The following LRFN1 variants were observed in gnomAD, a reference collection of about 807,000 sequenced individuals.
The protein encoded by LRFN1 is leucine rich repeat and fibronectin type III domain containing 1.
Under a neutral mutation model 31.8 loss-of-function variants are expected in LRFN1, and 20 were observed. The ratio of observed to expected loss-of-function variants is 0.63; its 90% confidence interval spans 0.44 to 0.91. LRFN1 has a LOEUF of 0.91. Among genes scored for constraint, LRFN1 ranks in the 40% least tolerant of loss-of-function variants. The pLI is 0.00. For synonymous variants in LRFN1, 514 were observed against 541.3 expected (o/e 0.95, Z 0.70); for missense variants, 912 against 1,129.8 (o/e 0.81, Z 2.76).
Position 39,307,590 on chromosome 19 carries a change from G to T in LRFN1, c.*43C>A. 7.3e-7 allele frequency: 1 copy of T among 1,368,438 alleles called. No individual in the cohort carries two copies. The highest frequency in any genetic ancestry group is 9.4e-7 in the Non-Finnish European group (1 of 1,067,488). 84.8% of individuals were successfully genotyped at this position (1,368,438 alleles called of 1,614,324 possible). A position where few individuals can be genotyped will look rare whatever the true frequency, so the allele number is the denominator to read the frequency against. On this transcript the variant is annotated 3_prime_UTR_variant, in exon 5 of 5. Coordinates refer to ENST00000248668, the MANE Select transcript of LRFN1 (RefSeq NM_020862.2). The surrounding 1 kb of genome is among the most constrained non-coding windows in gnomAD (Gnocchi z 6.7). The stretch of plus-strand genomic sequence containing the variant: ...CGCCCCAGCGTCCGTGCGGCTGGGC[G>T]TTTGGTCTGCGGCACCCAGGCGTCC...
At position 39,306,854 on chromosome 19, in the gene LRFN1, AGG is replaced by A. The variant is rs2075130343; in HGVS notation, c.*777_*778del. Reference sequence around the variant, plus strand: ...AAAAAGTTTAATTCTGCTGCGGCGGAGGGTCCCGGCTCCGGTAGGGAGGGGGA... The same window carrying A: ...AAAAAGTTTAATTCTGCTGCGGCGGAGTCCCGGCTCCGGTAGGGAGGGGGA... On this transcript the variant is annotated 3_prime_UTR_variant, in exon 5 of 5. Transcript: ENST00000248668. The A allele has an allele frequency of 1.3e-5, 2 of 155,782 alleles. No homozygotes were observed. The highest frequency in any genetic ancestry group is 4.8e-5 in the African/African-American group (2 of 41,494). The allele number at this position is 155,782 out of a possible 1,614,324, so 9.6% of individuals were successfully genotyped here.
At chr19:39,310,254 G>A (rs566336499) in intron 4 of LRFN1, among the ~76,000 whole-genome samples, 4 of 152,304 alleles carry the variant, frequency 2.6e-5, no homozygotes, top group South Asian at 2.1e-4. Flanking sequence ...CACCACGCCC[G>A]GCGAACTTCG....
At position 39,314,997 on chromosome 19, in the gene LRFN1, C is replaced by T; in HGVS notation, c.340G>A (p.Ala114Thr). The change falls in exon 4 of 5, where the codon GCC (alanine) becomes ACC (threonine). Residue 114 changes from alanine to threonine, a missense_variant. Ala to Thr is a moderately conservative substitution (Grantham distance 58, BLOSUM62 0). This residue lies in a region of LRFN1 where 401 missense variants were observed against 572.7 expected (regional missense o/e 0.70). Coordinates refer to ENST00000248668, the MANE Select transcript of LRFN1 (RefSeq NM_020862.2). ...VAAGAFADLR[A>T]LRALHLDSNR... ...CTGTCCAGGTGCAGGGCCCGGAGGGCACGCAGGTCGGCGAAGGCGCCAGCT... is the reference window on the plus strand; with the variant it reads ...CTGTCCAGGTGCAGGGCCCGGAGGGTACGCAGGTCGGCGAAGGCGCCAGCT... The T allele has an allele frequency of 6.3e-7, 1 of 1,592,254 alleles. No homozygotes were observed. The highest frequency in any genetic ancestry group is 8.5e-7 in the Non-Finnish European group (1 of 1,175,780).
chr19:39,307,612 G>T lies in LRFN1; in HGVS notation c.*21C>A. ...GGCGTTTGGTCTGCGGCACCCAGGCGTCCCGGCGCCCGCCCGCCGCTCACA... is the reference window on the plus strand; with the variant it reads ...GGCGTTTGGTCTGCGGCACCCAGGCTTCCCGGCGCCCGCCCGCCGCTCACA... On this transcript the variant is annotated 3_prime_UTR_variant, in exon 5 of 5. Transcript: ENST00000248668. This position sits in a 1 kb window ranked among gnomAD's most constrained non-coding sequence, Gnocchi z 6.7. The T allele has an allele frequency of 1.4e-6, 2 of 1,381,074 alleles. No homozygotes were observed. Among genetic ancestry groups the T allele is most frequent in the South Asian group, 3.3e-5 (2 of 60,748 alleles). The allele number at this position is 1,381,074 out of a possible 1,614,324, so 85.6% of individuals were successfully genotyped here.
intron 2 of LRFN1, among the ~76,000 whole-genome samples, chr19:39,317,292 C>A (rs575226160): frequency 6.6e-6 from 1 of 152,016 alleles, no homozygotes; most frequent in Non-Finnish European, 1.5e-5. Flanking sequence ...GGGCTGAAGG[C>A]GGAAAAAGAG....
At chr19:39,320,042 A>G (rs1419253950) in intron 1 of LRFN1, among the ~76,000 whole-genome samples, 1 of 106,092 alleles carries the variant, frequency 9.4e-6, no homozygotes, top group Non-Finnish European at 1.8e-5. Context: ...CTCAGGGCCC[A>G]TCTGTCCATT....
In LRFN1 at chr19:39,307,408, A is replaced by G. The variant is rs1224157529; in HGVS notation, c.*225T>C. 2.3e-6 allele frequency: 1 copy of G among 444,090 alleles called. No individual in the cohort carries two copies. Among genetic ancestry groups the G allele is most frequent in the Non-Finnish European group, 3.9e-6 (1 of 257,862 alleles). 27.5% of individuals were successfully genotyped at this position (444,090 alleles called of 1,614,324 possible). A position where few individuals can be genotyped will look rare whatever the true frequency, so the allele number is the denominator to read the frequency against. On this transcript the variant is annotated 3_prime_UTR_variant, in exon 5 of 5. Transcript: ENST00000248668. The surrounding 1 kb of genome is among the most constrained non-coding windows in gnomAD (Gnocchi z 6.7). ...GGGTAGGAGGGGGGTCGAGGAGTCCATAGGGGAAGGGAGGCCGGCAGCCGG... is the reference window on the plus strand; with the variant it reads ...GGGTAGGAGGGGGGTCGAGGAGTCCGTAGGGGAAGGGAGGCCGGCAGCCGG...
Position 39,315,402 on chromosome 19 carries a change from C to T in LRFN1, c.-37-29G>A. 3 of 1,383,848 alleles carry T rather than the reference C, an allele frequency of 2.2e-6. No homozygotes were observed. Among genetic ancestry groups the T allele is most frequent in the Non-Finnish European group, 2.8e-6 (3 of 1,054,336 alleles). 85.7% of individuals were successfully genotyped at this position (1,383,848 alleles called of 1,614,324 possible). ...CCGGGGAAGGAGCCGGTTACCCAGG[C>T]GTGGGACTTGGCCGCCATGGGATGT... On this transcript the variant is annotated intron_variant, in intron 3 of 4. Transcript: ENST00000248668. This position sits in a 1 kb window ranked among gnomAD's most constrained non-coding sequence, Gnocchi z 4.7.
Position 39,315,292 on chromosome 19 carries a change from G to T in LRFN1, c.45C>A (p.Pro15=). Residue 15 remains proline, a synonymous_variant, in exon 4 of 5, where the codon CCC becomes CCA. Transcript: ENST00000248668. This position sits in a 1 kb window ranked among gnomAD's most constrained non-coding sequence, Gnocchi z 4.7. ...GCAGCAGCAGAAAGGGCAGGGCAGC[G>T]GGCGGCGGCGAGAGGAGGGCCGAGG... ...PFSSALLSPP[P]AALPFLLLLW... 2.7e-6 allele frequency: 4 copies of T among 1,500,230 alleles called. No individual in the cohort carries two copies. Among genetic ancestry groups the T allele is most frequent in the East Asian group, 4.8e-5 (2 of 41,600 alleles). The allele number at this position is 1,500,230 out of a possible 1,614,324, so 92.9% of individuals were successfully genotyped here.
Position 39,307,932 on chromosome 19 carries a change from G to C in LRFN1, c.2017C>G (p.Arg673Gly), listed in dbSNP as rs750253943. 3.2e-6 allele frequency: 5 copies of C among 1,560,186 alleles called. No homozygotes were observed. In the South Asian group the frequency reaches 5.8e-5, roughly 18 times the overall value. The change falls in exon 5 of 5, where the codon CGA becomes GGA. Residue 673 changes from arginine (R) to glycine (G), a missense_variant. Physicochemically the swap from Arg to Gly is moderately radical, Grantham distance 125. Transcript: ENST00000248668. The surrounding 1 kb of genome is among the most constrained non-coding windows in gnomAD (Gnocchi z 6.7). ...SRAAVGPRRSRSGALEPPTSA... is the reference protein window; with the variant it reads ...SRAAVGPRRSGSGALEPPTSA... ...GTTGGTGGCTCCAGGGCGCCGGATC[G>C]GCTCCTTCGAGGGCCCACCGCGGCC...
rs1450110487 is a variant in LRFN1, at chr19:39,320,577, C to T, written c.-126+216G>A. 3.9e-5 allele frequency among the ~76,000 whole-genome samples: 6 copies of T among 151,966 alleles called. No individual in the cohort carries two copies. The East Asian group carries it at 1.2e-3, about 30-fold the overall frequency. On this transcript the variant is annotated intron_variant, in intron 1 of 4. Coordinates refer to ENST00000248668, the MANE Select transcript of LRFN1 (RefSeq NM_020862.2). The stretch of plus-strand genomic sequence containing the variant: ...GCTCGGGGGGACACGCGTGCACAGC[C>T]GGACACGCCGGCCGGGCTCGACACC...
intron 4 of LRFN1, among the ~76,000 whole-genome samples, chr19:39,313,164 C>T (rs1025668879): frequency 2.6e-5 from 4 of 152,142 alleles, no homozygotes; most frequent in South Asian, 2.1e-4. Context: ...TTTTCTCATA[C>T]GTTTTGTTTT....
rs558011706 is a variant in LRFN1, at chr19:39,315,535, C to A, written c.-37-162G>T. Among the ~76,000 whole-genome samples, 1 of 152,184 alleles carries A rather than the reference C, an allele frequency of 6.6e-6. No homozygotes were observed. The highest frequency in any genetic ancestry group is 2.1e-4 in the South Asian group (1 of 4,824). On this transcript the variant is annotated intron_variant, in intron 3 of 4. Coordinates refer to ENST00000248668, the MANE Select transcript of LRFN1 (RefSeq NM_020862.2). The surrounding 1 kb of genome is among the most constrained non-coding windows in gnomAD (Gnocchi z 4.7). The stretch of plus-strand genomic sequence containing the variant: ...TATTAACAACAGATTACAACACTTC[C>A]ATGCTGGGCACAGTGGCTCACGCCT...
rs182568401 is a variant in LRFN1 at position 39,308,820 on chromosome 19, T to A, written c.1407-278A>T. On this transcript the variant is annotated intron_variant, in intron 4 of 4. Coordinates refer to ENST00000248668, the MANE Select transcript of LRFN1 (RefSeq NM_020862.2). This position sits in a 1 kb window ranked among gnomAD's most constrained non-coding sequence, Gnocchi z 6.2. ...TCATTCGTATTACCTCCTCTGCATA[T>A]CCCGGCCCCTGCAGGGGAGAAGTGC... Among the ~76,000 whole-genome samples, 391 of 152,268 alleles carry A rather than the reference T, an allele frequency of 2.6e-3. No homozygotes were observed. The highest frequency in any genetic ancestry group is 4.3e-3 in the Non-Finnish European group (290 of 68,030).
In LRFN1 at chr19:39,308,589, C is replaced by T. The variant is rs768635291; in HGVS notation, c.1407-47G>A. 5 of 1,493,058 alleles carry T rather than the reference C, an allele frequency of 3.3e-6. No homozygotes were observed. Among genetic ancestry groups the T allele is most frequent in the South Asian group, 1.3e-5 (1 of 76,874 alleles). The allele number at this position is 1,493,058 out of a possible 1,614,324, so 92.5% of individuals were successfully genotyped here. On this transcript the variant is annotated intron_variant, in intron 4 of 4. Coordinates refer to ENST00000248668, the MANE Select transcript of LRFN1 (RefSeq NM_020862.2). This position sits in a 1 kb window ranked among gnomAD's most constrained non-coding sequence, Gnocchi z 6.2. ...GGGCGGGGTTAGTCCCCCCGAACCA[C>T]GCCCCTTCGCTTTATGCCCCGCCCA...
At position 39,309,478 on chromosome 19, in the gene LRFN1, C is replaced by CAAAAAAAAAAAAAAAAAAAAAAAAAA. The variant is rs71169583; in HGVS notation, c.1407-962_1407-937dup. Among the ~76,000 whole-genome samples the CAAAAAAAAAAAAAAAAAAAAAAAAAA allele has an allele frequency of 1.9e-4, 6 of 31,998 alleles. 2 individuals carry two copies. The highest frequency in any genetic ancestry group is 8.8e-4 in the African/African-American group (6 of 6,826). The allele number at this position is 31,998 out of a possible 152,430, so 21.0% of individuals were successfully genotyped here. A position where few individuals can be genotyped will look rare whatever the true frequency, so the allele number is the denominator to read the frequency against. On this transcript the variant is annotated intron_variant, in intron 4 of 4. Transcript: ENST00000248668. ...ACTCTGTCTCAAAAAACAAACAAAC[C>CAAAAAAAAAAAAAAAAAAAAAAAAAA]AAAAAAAAAAAAAAAAAAAAAAAAA... is the stretch of plus-strand genomic sequence containing the variant.
intron 2 of LRFN1, among the ~76,000 whole-genome samples, chr19:39,317,390 AC>A (rs1171517663): frequency 1.3e-5 from 2 of 151,980 alleles, no homozygotes; most frequent in African/African-American, 4.8e-5. Flanking sequence ...TGTACTGGAA[AC>A]CCTGGCCTAG....
Position 39,315,621 on chromosome 19 carries a change from C to CCAG in LRFN1, c.-37-251_-37-249dup, listed in dbSNP as rs1164775126. On this transcript the variant is annotated intron_variant, in intron 3 of 4. Coordinates refer to ENST00000248668, the MANE Select transcript of LRFN1 (RefSeq NM_020862.2). The surrounding 1 kb of genome is among the most constrained non-coding windows in gnomAD (Gnocchi z 4.7). ...ATCACCTGAGGTCAGGAGTTCAAGA[C>CCAG]CAGCCTGGCCAACATGGTGAAACCC... 1.3e-5 allele frequency among the ~76,000 whole-genome samples: 2 copies of CCAG among 152,066 alleles called. No individual in the cohort carries two copies. The highest frequency in any genetic ancestry group is 4.8e-5 in the African/African-American group (2 of 41,390).
intron 4 of LRFN1, among the ~76,000 whole-genome samples, chr19:39,309,218 G>A (rs2075141870): frequency 6.6e-6 from 1 of 152,162 alleles, no homozygotes; most frequent in African/African-American, 2.4e-5. Context: ...CACTTTGGAA[G>A]GCTAAGAAGG....
Sources: gnomAD v4.1 joint callset for allele counts (sites outside exome capture counted in the v4.1 genomes callset) on GRCh38, gnomAD v4.1.1 for gene constraint, gnomAD v4.1.1 regional missense constraint, Gnocchi (gnomAD v3.1) non-coding constraint, MANE v1.5 for transcripts, NCBI Gene and HGNC (gene_info 2026-07-23, HGNC 2026-07-21) for gene names.